SLC38A4: variants seen among roughly 807,000 people sequenced by gnomAD.
SLC38A4 encodes sodium-coupled neutral amino acid transporter 4.
Under a neutral mutation model 63.1 loss-of-function variants are expected in SLC38A4, and 20 were observed. The observed-to-expected ratio is 0.32, with a 90% CI of 0.22 to 0.46. The LOEUF is 0.46. Ranked by LOEUF, SLC38A4 falls within the 20% of genes least tolerant of loss-of-function variation. The pLI is 1.00. For synonymous variants in SLC38A4, 230 were observed against 225.5 expected, an observed-to-expected ratio of 1.02 and a Z score of -0.18; for missense variants, 526 against 663.6, an observed-to-expected ratio of 0.79 and a Z score of 2.28.
rs990770163 is a variant in SLC38A4 at position 46,823,583 on chromosome 12, A to G, written c.-305+2320T>C. On this transcript the variant is annotated intron_variant, in intron 1 of 16. Transcript: ENST00000266579. ...ACAGAAATCATTAAAACAGAGACTC[A>G]GGGCAATGCATTCAGTTAAACTCAA... 5.3e-5 allele frequency among the ~76,000 whole-genome samples: 8 copies of G among 152,372 alleles called. No individual in the cohort carries two copies. The East Asian group carries it at 1.5e-3, about 29-fold the overall frequency.
intron 1 of SLC38A4, among the ~76,000 whole-genome samples, chr12:46,816,697 G>A (rs1424419321): frequency 6.6e-6 from 1 of 151,756 alleles, no homozygotes; most frequent in Non-Finnish European, 1.5e-5. Flanking sequence ...ATTTATTTTT[G>A]CTCAGTTAAT....
At chr12:46,811,791 G>A (rs1235380878) in intron 1 of SLC38A4, among the ~76,000 whole-genome samples, 2 of 151,842 alleles carry the variant, frequency 1.3e-5, no homozygotes, top group African/African-American at 4.8e-5. Flanking sequence ...CTTTGTGTTT[G>A]GACCATCAGG....
At chr12:46,783,746 A>T (rs973298281) in intron 7 of SLC38A4, among the ~76,000 whole-genome samples, 10 of 152,086 alleles carry the variant, frequency 6.6e-5, no homozygotes, top group Admixed American at 6.6e-4. Flanking sequence ...TCAGAGAAAT[A>T]GAATAGCAGG....
chr12:46,823,171 A>C (rs1380347609), intron 1 of SLC38A4, among the ~76,000 whole-genome samples: 1 of 152,180 alleles, frequency 6.6e-6, no homozygotes, highest in African/African-American at 2.4e-5. Flanking sequence ...TGTCATCATT[A>C]GTCAAATAAG....
chr12:46,773,175 G>A (rs991269751), intron 14 of SLC38A4, among the ~76,000 whole-genome samples: 5 of 152,080 alleles, frequency 3.3e-5, no homozygotes, highest in African/African-American at 1.2e-4. Context: ...CAACCCAGCT[G>A]AATTCGTAGC....
Position 46,779,769 on chromosome 12 carries a change from A to C in SLC38A4, c.658+11T>G. On this transcript the variant is annotated intron_variant, in intron 9 of 16. Coordinates refer to ENST00000266579, the MANE Select transcript of SLC38A4 (RefSeq NM_018018.5). ...AAAATAAAAATATTTCCAGTTAGAA[A>C]ATATCTTTACCTAAATTTTTAAGGA... 6.3e-7 allele frequency: 1 copy of C among 1,599,300 alleles called. No homozygotes were observed. The highest frequency in any genetic ancestry group is 1.4e-5 in the African/African-American group (1 of 74,040).
chr12:46,780,094 A>C (rs1223109384), intron 7 of SLC38A4, 64 bp from the exon 8 acceptor site: 2 of 1,265,492 alleles, frequency 1.6e-6, no homozygotes, highest in Non-Finnish European at 2.3e-6. Context: ...CAAGCAAGTT[A>C]TGACATTTGG....
chr12:46,780,216 G>C (rs1035526268), intron 7 of SLC38A4, among the ~76,000 whole-genome samples, 186 bp from the exon 8 acceptor site: 2 of 151,998 alleles, frequency 1.3e-5, no homozygotes, highest in African/African-American at 4.8e-5. Flanking sequence ...AGCTCTTTCA[G>C]GTGGACCTTT....
rs565587030 is a variant in SLC38A4, at chr12:46,811,201, C to G, written c.-304-7407G>C. Among the ~76,000 whole-genome samples, 8 of 152,044 alleles carry G rather than the reference C, an allele frequency of 5.3e-5. No individual in the cohort carries two copies. The South Asian group carries it at 1.5e-3, about 28-fold the overall frequency. On this transcript the variant is annotated intron_variant, in intron 1 of 16. Coordinates refer to ENST00000266579, the MANE Select transcript of SLC38A4 (RefSeq NM_018018.5). ...AGAGACAATTAAAAAATAAAAGACC[C>G]AATCTCTCCTCTCAAGACCTAGTCT...
At chr12:46,783,696 A>T (rs1444747911) in intron 7 of SLC38A4, among the ~76,000 whole-genome samples, 2 of 152,094 alleles carry the variant, frequency 1.3e-5, no homozygotes, top group Non-Finnish European at 2.9e-5. Flanking sequence ...GCCCTCAGAA[A>T]CTGGATGACT....
intron 7 of SLC38A4, among the ~76,000 whole-genome samples, chr12:46,783,925 C>T (rs779123827): frequency 3.3e-5 from 5 of 151,710 alleles, no homozygotes; most frequent in Admixed American, 6.6e-5. Context: ...AACACACCAA[C>T]GAGAGAACAT....
At chr12:46,821,465 G>A (rs75961349) in intron 1 of SLC38A4, among the ~76,000 whole-genome samples, 3,434 of 152,044 alleles carry the variant, frequency 0.023, 143 homozygotes, top group African/African-American at 0.08. Context: ...AGATCAGTTG[G>A]CCATATATGT....
chr12:46,783,262 T>C (rs1938686816), intron 7 of SLC38A4, among the ~76,000 whole-genome samples: 1 of 149,176 alleles, frequency 6.7e-6, no homozygotes, highest in Non-Finnish European at 1.5e-5. Context: ...GATAGATAGA[T>C]AGATAGATAG....
chr12:46,769,520 T>A, intron 14 of SLC38A4, 92 bp from the exon 15 acceptor site: 1 of 1,383,858 alleles, frequency 7.2e-7, no homozygotes, highest in Non-Finnish European at 9.8e-7. Flanking sequence ...TGCATTTTCT[T>A]TCCTTTTCTT....
intron 1 of SLC38A4, among the ~76,000 whole-genome samples, chr12:46,813,900 G>C (rs531755595): frequency 8.5e-5 from 13 of 152,116 alleles, no homozygotes; most frequent in African/African-American, 3.1e-4. Context: ...GTGAACATTT[G>C]TGAGCATTTG....
chr12:46,825,176 T>C (rs2120932832), intron 1 of SLC38A4, among the ~76,000 whole-genome samples: 1 of 149,712 alleles, frequency 6.7e-6, no homozygotes, highest in Admixed American at 6.7e-5. Context: ...ATATACGAAG[T>C]TTAAATGTCA....
At chr12:46,798,531 C>T (rs1368316709) in intron 2 of SLC38A4, among the ~76,000 whole-genome samples, 1 of 152,142 alleles carries the variant, frequency 6.6e-6, no homozygotes. Context: ...TCAGGGAAGG[C>T]TTCTCTGAAG....
intron 1 of SLC38A4, among the ~76,000 whole-genome samples, chr12:46,824,147 G>C (rs893548769): frequency 2.6e-5 from 4 of 152,168 alleles, no homozygotes; most frequent in Non-Finnish European, 5.9e-5. Flanking sequence ...GTATGTGTCT[G>C]AGCATAGATA....
intron 1 of SLC38A4, among the ~76,000 whole-genome samples, chr12:46,804,116 A>G (rs1939183891): frequency 6.6e-6 from 1 of 152,048 alleles, no homozygotes; most frequent in Non-Finnish European, 1.5e-5. Flanking sequence ...ATAGTGAAAG[A>G]GTTATTTTCT....
Sources: allele counts gnomAD v4.1 joint callset (sites outside exome capture counted in the v4.1 genomes callset), GRCh38; gene constraint gnomAD v4.1.1; transcripts MANE v1.5; gene names NCBI Gene and HGNC (gene_info 2026-07-23, HGNC 2026-07-21).